RYR2: variants seen among roughly 807,000 people sequenced by gnomAD.
RYR2 encodes cardiac muscle ryanodine receptor-calcium release channel.
In RYR2, 227 loss-of-function variants were observed where a neutral mutation model predicts 601.1. The observed-to-expected ratio is 0.38, with a 90% CI of 0.34 to 0.42. The LOEUF is 0.42. RYR2 is among the 10% of genes least tolerant of loss of function. RYR2 has a pLI of 1.00. For synonymous variants in RYR2, 2,223 were observed against 2,175.1 expected, an observed-to-expected ratio of 1.02 and a Z score of -0.61; for missense variants, 4,646 against 6,156.5, an observed-to-expected ratio of 0.75 and a Z score of 8.21.
intron 2 of RYR2, among the ~76,000 whole-genome samples, chr1:237,308,689 A>G (rs2149481179): frequency 6.6e-6 from 1 of 152,292 alleles, no homozygotes; most frequent in South Asian, 2.1e-4. Context: ...GGTGAGTGTT[A>G]CAGCTCATAA....
At chr1:237,376,609 T>C (rs1196844990) in intron 7 of RYR2, among the ~76,000 whole-genome samples, 2 of 152,186 alleles carry the variant, frequency 1.3e-5, no homozygotes, top group Non-Finnish European at 2.9e-5. Context: ...AATGGCATGC[T>C]GAAGCTTCTA....
chr1:237,359,602 C>T (rs1282811763), intron 4 of RYR2, among the ~76,000 whole-genome samples: 1 of 152,084 alleles, frequency 6.6e-6, no homozygotes, highest in Non-Finnish European at 1.5e-5. Flanking sequence ...ATAGTTTCAT[C>T]AAAGGTCCAT....
At chr1:237,159,900 C>T (rs750602146) in intron 1 of RYR2, among the ~76,000 whole-genome samples, 7 of 152,162 alleles carry the variant, frequency 4.6e-5, no homozygotes, top group East Asian at 1.9e-4. Flanking sequence ...AAATTATTAA[C>T]GTGCACTTGA....
intron 11 of RYR2, among the ~76,000 whole-genome samples, chr1:237,422,757 T>C (rs1480195194): frequency 6.6e-6 from 1 of 152,184 alleles, no homozygotes; most frequent in Non-Finnish European, 1.5e-5. Flanking sequence ...CATTAGAGCT[T>C]GACTAATCTG....
At position 237,774,925 on chromosome 1, in the gene RYR2, T is replaced by A. The variant is rs534720719; in HGVS notation, c.11775+1277T>A. On this transcript the variant is annotated intron_variant, in intron 87 of 104. Transcript: ENST00000366574. ...TCTTGGTTCCTAAAATAATTGAGAT[T>A]CCTGAATGTATCGAAATCTAGAAGC... 6.6e-5 allele frequency among the ~76,000 whole-genome samples: 10 copies of A among 152,088 alleles called. No individual in the cohort carries two copies. In the South Asian group the frequency reaches 1.0e-3, roughly 16 times the overall value.
At chr1:237,073,097 G>A (rs1664587775) in intron 1 of RYR2, among the ~76,000 whole-genome samples, 1 of 152,128 alleles carries the variant, frequency 6.6e-6, no homozygotes, top group African/African-American at 2.4e-5. Context: ...ACTATGAAGA[G>A]GATTGTTATA....
chr1:237,825,696 T>C (rs2486558), intron 101 of RYR2, among the ~76,000 whole-genome samples: 39,602 of 151,770 alleles, frequency 0.26, 5,555 homozygotes, highest in East Asian at 0.6. Context: ...AGCTTCTGCC[T>C]AGCAAAAGAA....
intron 66 of RYR2, among the ~76,000 whole-genome samples, chr1:237,703,765 T>C (rs1688151620): frequency 6.6e-6 from 1 of 151,710 alleles, no homozygotes; most frequent in South Asian, 2.1e-4. Context: ...CTGATAAGTT[T>C]AGACTACACA....
intron 98 of RYR2, among the ~76,000 whole-genome samples, chr1:237,803,467 A>AT (rs1290893583): frequency 6.6e-6 from 1 of 151,902 alleles, no homozygotes; most frequent in Non-Finnish European, 1.5e-5. Flanking sequence ...CGCCCGGCTA[A>AT]TTTTTTGTAC....
At position 237,699,034 on chromosome 1, in the gene RYR2, A is replaced by T. The variant is rs1687734107; in HGVS notation, c.9128+9A>T. ...CAGACTTTGGATGCAAGGTAAATGG[A>T]TACATTTTTACCTAAATAAATTACT... On this transcript the variant is annotated intron_variant, in intron 64 of 104. Coordinates refer to ENST00000366574, the MANE Select transcript of RYR2 (RefSeq NM_001035.3). 2 of 1,375,506 alleles carry T rather than the reference A, an allele frequency of 1.5e-6. No homozygotes were observed. The highest frequency in any genetic ancestry group is 1.0e-6 in the Non-Finnish European group (1 of 988,786). The allele number at this position is 1,375,506 out of a possible 1,614,324, so 85.2% of individuals were successfully genotyped here.
intron 1 of RYR2, among the ~76,000 whole-genome samples, chr1:237,174,011 CTT>C (rs1677727832): frequency 1.3e-5 from 2 of 151,978 alleles, no homozygotes; most frequent in African/African-American, 2.4e-5. Context: ...GAGCCGAGAT[CTT>C]GCCACTGCAC....
At chr1:237,654,157 C>T (rs1300358146) in intron 51 of RYR2, 117 bp from the exon 52 acceptor site, 3 of 1,234,558 alleles carry the variant, frequency 2.4e-6, no homozygotes, top group African/African-American at 1.5e-5. Context: ...TGGGATTGGG[C>T]AATTTCACTT....
At chr1:237,058,888 TA>T (rs549057222) in intron 1 of RYR2, among the ~76,000 whole-genome samples, 208 of 148,264 alleles carry the variant, frequency 1.4e-3, no homozygotes, top group Non-Finnish European at 2.3e-3. Context: ...TGTAGAGTGA[TA>T]AAAAAAAAAC....
intron 29 of RYR2, among the ~76,000 whole-genome samples, chr1:237,584,284 G>C (rs575239908): frequency 2.6e-5 from 4 of 152,268 alleles, no homozygotes; most frequent in East Asian, 3.9e-4. Context: ...TTTAGCTATG[G>C]AGTGATGATT....
intron 12 of RYR2, among the ~76,000 whole-genome samples, chr1:237,424,002 T>A (rs575310930): frequency 5.3e-5 from 8 of 152,030 alleles, no homozygotes; most frequent in African/African-American, 1.9e-4. Context: ...AGAGTGAGTG[T>A]GAAGGAGAAA....
intron 19 of RYR2, among the ~76,000 whole-genome samples, chr1:237,494,071 C>G (rs568203162): frequency 3.3e-5 from 5 of 152,230 alleles, no homozygotes; most frequent in African/African-American, 1.2e-4. Context: ...TTTCTTATCC[C>G]CTGTATTAGT....
chr1:237,472,809 G>C (rs139148053), intron 17 of RYR2, among the ~76,000 whole-genome samples: 82 of 152,188 alleles, frequency 5.4e-4, no homozygotes, highest in African/African-American at 1.9e-3. Flanking sequence ...GTACACCGCT[G>C]TTTACTTTGG....
intron 3 of RYR2, among the ~76,000 whole-genome samples, chr1:237,335,613 G>A (rs1024870745): frequency 6.6e-6 from 1 of 152,156 alleles, no homozygotes; most frequent in East Asian, 1.9e-4. Context: ...TTTCTGGGGG[G>A]ATTGTAGGAC....
intron 1 of RYR2, chr1:237,121,219 C>T (rs976224103): frequency 7.9e-5 from 12 of 152,008 alleles, no homozygotes; most frequent in African/African-American, 2.9e-4. Flanking sequence ...CGGCATACAC[C>T]ATGTTTTTAA....
Sources: allele counts gnomAD v4.1 joint callset (sites outside exome capture counted in the v4.1 genomes callset), GRCh38; gene constraint gnomAD v4.1.1; transcripts MANE v1.5; gene names NCBI Gene and HGNC (gene_info 2026-07-23, HGNC 2026-07-21).